The following TJP1 variants were observed in gnomAD, a reference collection of about 807,000 sequenced individuals.
The protein encoded by TJP1 is tight junction protein 1, also known as tight junction protein ZO-1.
TJP1 carries 43 observed loss-of-function variants against 194.2 expected under a neutral mutation model. The observed-to-expected ratio is 0.22, with a 90% CI of 0.17 to 0.29. The LOEUF is 0.29. Ranked by LOEUF, TJP1 falls within the 10% of genes least tolerant of loss-of-function variation. The pLI is 1.00. For missense variants in TJP1, 1,971 were observed against 2,185.7 expected, an observed-to-expected ratio of 0.90 and a Z score of 1.96; for synonymous variants, 801 against 779.0, an observed-to-expected ratio of 1.03 and a Z score of -0.47.
At chr15:29,858,338 T>C (rs55700788) in intron 2 of TJP1, among the ~76,000 whole-genome samples, 2 of 151,766 alleles carry the variant, frequency 1.3e-5, no homozygotes, top group Non-Finnish European at 2.9e-5. Context: ...GAGGCAGAGG[T>C]TGCAATGAGC....
At chr15:29,867,918 T>C (rs1011960894) in intron 2 of TJP1, among the ~76,000 whole-genome samples, 4 of 151,892 alleles carry the variant, frequency 2.6e-5, no homozygotes, top group African/African-American at 9.7e-5. Context: ...TAGCCGGGTG[T>C]GGTGGTGCAT....
At chr15:29,748,315 T>C (rs1232902782) in intron 8 of TJP1, among the ~76,000 whole-genome samples, 3 of 152,216 alleles carry the variant, frequency 2.0e-5, no homozygotes, top group Admixed American at 2.0e-4. Context: ...ACTGGCCACA[T>C]TTCAAATGTT....
intron 2 of TJP1, among the ~76,000 whole-genome samples, chr15:29,890,162 G>A (rs577320303): frequency 2.6e-5 from 4 of 152,206 alleles, no homozygotes; most frequent in African/African-American, 4.8e-5. Context: ...AGTCCACCTC[G>A]CCAAATGTGA....
intron 2 of TJP1, among the ~76,000 whole-genome samples, chr15:29,887,422 C>A (rs1041672140): frequency 3.8e-4 from 57 of 151,828 alleles, no homozygotes; most frequent in African/African-American, 1.3e-3. Context: ...GCCTCAGCCT[C>A]CCGAATAGCT....
At chr15:29,849,834 C>G (rs1351736544) in intron 2 of TJP1, among the ~76,000 whole-genome samples, 2 of 152,018 alleles carry the variant, frequency 1.3e-5, no homozygotes, top group Non-Finnish European at 2.9e-5. Context: ...CTCGGTCTTC[C>G]AAAGTGCTGG....
chr15:29,719,772 G>T lies in TJP1; in HGVS notation c.3003+5C>A. On this transcript the variant is annotated splice_donor_5th_base_variant and intron_variant, in intron 20 of 27. Transcript: ENST00000614355. Reference sequence around the variant, plus strand: ...CAAATTAGTGCAACACCGCAGCACAGGTACCTTTGTTGGATCTACATGCGA... The same window carrying T: ...CAAATTAGTGCAACACCGCAGCACATGTACCTTTGTTGGATCTACATGCGA... 1 of 1,611,216 alleles carries T rather than the reference G, an allele frequency of 6.2e-7. No individual in the cohort carries two copies. The highest frequency in any genetic ancestry group is 8.5e-7 in the Non-Finnish European group (1 of 1,178,148).
chr15:29,730,658 C>G, intron 15 of TJP1: 1 of 709,396 alleles, frequency 1.4e-6, no homozygotes. Flanking sequence ...CCGACCAAAG[C>G]CCGCGTGCCG....
At chr15:29,882,794 G>A (rs1439720344) in intron 2 of TJP1, among the ~76,000 whole-genome samples, 1 of 152,156 alleles carries the variant, frequency 6.6e-6, no homozygotes, top group East Asian at 1.9e-4. Context: ...TCTGGTGGAG[G>A]GTGATTTACA....
intron 8 of TJP1, among the ~76,000 whole-genome samples, chr15:29,749,763 A>C (rs1037560757): frequency 2.0e-5 from 3 of 152,220 alleles, no homozygotes; most frequent in Non-Finnish European, 4.4e-5. Context: ...CTCAGCCCTG[A>C]GGATGAGTGA....
intron 2 of TJP1, among the ~76,000 whole-genome samples, chr15:29,789,721 G>C (rs1008829338): frequency 6.6e-6 from 1 of 152,116 alleles, no homozygotes; most frequent in Non-Finnish European, 1.5e-5. Flanking sequence ...AGATGTCAAA[G>C]AATATGGATT....
intron 1 of TJP1, among the ~76,000 whole-genome samples, chr15:29,962,755 C>T (rs965567892): frequency 3.3e-5 from 5 of 152,206 alleles, no homozygotes; most frequent in Non-Finnish European, 7.3e-5. Flanking sequence ...CTTCAGAAAG[C>T]TTAATAACTC....
At chr15:29,742,807 A>G (rs757378052) in intron 8 of TJP1, 26 bp from the exon 9 acceptor site, 2 of 1,560,728 alleles carry the variant, frequency 1.3e-6, no homozygotes, top group Non-Finnish European at 8.6e-7. Flanking sequence ...ATAAAAAATC[A>G]AGAGCATAAG....
At chr15:29,966,531 A>T (rs1488770578) in intron 1 of TJP1, among the ~76,000 whole-genome samples, 1 of 151,694 alleles carries the variant, frequency 6.6e-6, no homozygotes, top group Non-Finnish European at 1.5e-5. Context: ...TAAATAATAA[A>T]TAATTTTAAA....
chr15:29,701,781 C>A (rs1266380753), intron 27 of TJP1, 92 bp from the exon 28 acceptor site: 2 of 886,182 alleles, frequency 2.3e-6, no homozygotes, highest in African/African-American at 3.4e-5. Flanking sequence ...TATATTTAGA[C>A]ATAATTTTCT....
intron 24 of TJP1, among the ~76,000 whole-genome samples, chr15:29,710,254 A>G (rs752898651): frequency 1.9e-4 from 29 of 152,222 alleles, no homozygotes; most frequent in Non-Finnish European, 3.2e-4. Flanking sequence ...AATAAAAGAT[A>G]GCCTCAATCC....
intron 2 of TJP1, among the ~76,000 whole-genome samples, chr15:29,857,876 C>T (rs1281248700): frequency 6.6e-6 from 1 of 152,184 alleles, no homozygotes; most frequent in Non-Finnish European, 1.5e-5. Context: ...ATTCTCCTGC[C>T]TCAGCCTCCG....
intron 2 of TJP1, among the ~76,000 whole-genome samples, chr15:29,840,475 C>T (rs567949625): frequency 1.3e-4 from 20 of 152,236 alleles, no homozygotes; most frequent in African/African-American, 4.1e-4. Context: ...GACGAAGGGG[C>T]GATAAGAAAG....
At chr15:29,707,091 C>T (rs867875960) in intron 25 of TJP1, among the ~76,000 whole-genome samples, 11 of 152,126 alleles carry the variant, frequency 7.2e-5, no homozygotes, top group African/African-American at 2.4e-4. Context: ...ACCAAGCGCC[C>T]GCTCTGGCTG....
chr15:29,829,699 A>AT lies in TJP1; in HGVS notation c.307-28998dup, dbSNP rs1000070302. ...GACTCCCCCAGAGTATAATGTTTGC[A>AT]TTTTTTTACAATGTGTGTGTTATAA... On this transcript the variant is annotated intron_variant, in intron 2 of 28. Transcript: ENST00000356107. Among the ~76,000 whole-genome samples the AT allele has an allele frequency of 1.1e-4, 17 of 152,120 alleles. No individual in the cohort carries two copies. In the South Asian group the frequency reaches 1.2e-3, roughly 11 times the overall value.
Sources: allele counts gnomAD v4.1 joint callset (sites outside exome capture counted in the v4.1 genomes callset), GRCh38; gene constraint gnomAD v4.1.1; transcripts MANE v1.5; gene names NCBI Gene and HGNC (gene_info 2026-07-23, HGNC 2026-07-21).